Variants in BBS7 observed in about 807,000 individuals in gnomAD.
BBS7 encodes the protein BBSome complex member BBS7.
BBS7 carries 50 observed loss-of-function variants against 90.3 expected under a neutral mutation model. That is an observed-to-expected ratio of 0.55 (90% CI 0.44 to 0.70). The LOEUF is 0.70. Among genes scored for constraint, BBS7 ranks in the 30% least tolerant of loss-of-function variants. The pLI, the probability that BBS7 is intolerant of heterozygous loss-of-function variation, is 0.00. For missense variants in BBS7, 729 were observed against 838.9 expected (o/e 0.87, Z 1.62); for synonymous variants, 235 against 287.4 (o/e 0.82, Z 1.85).
chr4:121,868,850 G>A (rs1727432621), intron 1 of BBS7, among the ~76,000 whole-genome samples: 1 of 152,138 alleles, frequency 6.6e-6, no homozygotes, highest in Non-Finnish European at 1.5e-5. Flanking sequence ...GTTAGGAGAA[G>A]AGGATGGGAC....
In BBS7 at chr4:121,824,666, C is replaced by T. The variant is rs528812955; in HGVS notation, c.*1194G>A. On this transcript the variant is annotated 3_prime_UTR_variant, in exon 19 of 19. Transcript: ENST00000264499. This position sits in a 1 kb window ranked among gnomAD's most constrained non-coding sequence, Gnocchi z 4.1. ...AAAAACACAATGACGTTCTAGTGAC[C>T]TAGATATAATTATGTTCCTTTCAGA... 6.6e-6 allele frequency: 1 copy of T among 151,876 alleles called. No homozygotes were observed. Among genetic ancestry groups the T allele is most frequent in the Admixed American group, 6.6e-5 (1 of 15,244 alleles). The allele number at this position is 151,876 out of a possible 1,614,324, so 9.4% of individuals were successfully genotyped here.
chr4:121,847,402 A>G lies in BBS7; in HGVS notation c.1037+2T>C. The stretch of plus-strand genomic sequence containing the variant: ...AAAAGCAAATAAAAAACTCAAAGTT[A>G]CCGTAAGGAAGAAATTTTATTCTGC... On this transcript the variant is annotated splice_donor_variant, in intron 10 of 18. Coordinates refer to ENST00000264499, the MANE Select transcript of BBS7 (RefSeq NM_176824.3). LOFTEE classifies it high-confidence loss of function. The G allele has an allele frequency of 6.2e-7, 1 of 1,600,114 alleles. No individual in the cohort carries two copies. Among genetic ancestry groups the G allele is most frequent in the Non-Finnish European group, 8.6e-7 (1 of 1,167,732 alleles).
At position 121,867,987 on chromosome 4, in the gene BBS7, T is replaced by G; in HGVS notation, c.96A>C (p.Thr32=). The G allele has an allele frequency of 6.2e-7, 1 of 1,612,748 alleles. No homozygotes were observed. The highest frequency in any genetic ancestry group is 8.5e-7 in the Non-Finnish European group (1 of 1,178,870). Residue 32 remains threonine (T), a synonymous_variant, in exon 2 of 19, where the codon ACA becomes ACC. Coordinates refer to ENST00000264499, the MANE Select transcript of BBS7 (RefSeq NM_176824.3). The stretch of plus-strand genomic sequence containing the variant: ...ATCAGAATCTATACAGTACCTTTTG[T>G]GTAGCTCTGTGTCTTGAGGCAGGAA... The part of the protein sequence containing the change: ...KLIPASRHRA[T]QKVVIGDHDG...
At chr4:121,840,144 T>G (rs1181880577) in intron 12 of BBS7, among the ~76,000 whole-genome samples, 1 of 152,204 alleles carries the variant, frequency 6.6e-6, no homozygotes, top group Non-Finnish European at 1.5e-5. Flanking sequence ...TGGGAGATAA[T>G]TGAATCATGG....
intron 18 of BBS7, chr4:121,827,781 A>G: frequency 2.1e-6 from 2 of 939,852 alleles, no homozygotes; most frequent in Non-Finnish European, 2.6e-6. Flanking sequence ...CTGCATTTTT[A>G]TAATTCACAA....
intron 13 of BBS7, 128 bp downstream of exon 13, chr4:121,839,503 C>A: frequency 1.2e-6 from 1 of 801,696 alleles, no homozygotes; most frequent in Non-Finnish European, 2.1e-6. Flanking sequence ...ATTCAAAATT[C>A]ATTACTCCAA....
At chr4:121,847,074 A>C (rs1476348545) in intron 10 of BBS7, among the ~76,000 whole-genome samples, 2 of 152,176 alleles carry the variant, frequency 1.3e-5, no homozygotes, top group Non-Finnish European at 2.9e-5. Context: ...TAATACAGCC[A>C]TCTGTGTTGA....
At chr4:121,837,781 A>G (rs747429969) in intron 13 of BBS7, among the ~76,000 whole-genome samples, 1 of 152,030 alleles carries the variant, frequency 6.6e-6, no homozygotes, top group African/African-American at 2.4e-5. Context: ...TCTTTCTTCT[A>G]TACATTAAAA....
At chr4:121,855,914 ATATG>A (rs369307035) in intron 5 of BBS7, among the ~76,000 whole-genome samples, 28 of 129,800 alleles carry the variant, frequency 2.2e-4, no homozygotes, top group South Asian at 4.3e-4. Flanking sequence ...ATATATGTAT[ATATG>A]TGTACATGTA....
chr4:121,855,574 T>C lies in BBS7; in HGVS notation c.529-13A>G, dbSNP rs766503017. Reference sequence around the variant, plus strand: ...TCACATCAGATCCCTGAAGGAGAAGTATTTAAAAACTGAAACAGAATACAA... The same window carrying C: ...TCACATCAGATCCCTGAAGGAGAAGCATTTAAAAACTGAAACAGAATACAA... On this transcript the variant is annotated splice_polypyrimidine_tract_variant and intron_variant, in intron 5 of 18. Transcript: ENST00000264499. 1.2e-5 allele frequency: 19 copies of C among 1,611,190 alleles called. No individual in the cohort carries two copies. The South Asian group carries it at 1.9e-4, about 16-fold the overall frequency.
intron 13 of BBS7, 97 bp from the exon 14 acceptor site, chr4:121,835,380 CTAAT>C (rs1274450831): frequency 1.4e-6 from 2 of 1,425,828 alleles, no homozygotes; most frequent in African/African-American, 2.9e-5. Flanking sequence ...TTAAAATTCA[CTAAT>C]ATGTGAAGAC....
intron 4 of BBS7, among the ~76,000 whole-genome samples, chr4:121,859,768 GA>G (rs566923280): frequency 0.017 from 2,496 of 146,680 alleles, 56 homozygotes; most frequent in African/African-American, 0.058. Flanking sequence ...ATAAACAGCA[GA>G]AAAAAAAAGA....
intron 9 of BBS7, 46 bp downstream of exon 9, chr4:121,848,798 T>G (rs1256754820): frequency 2.7e-6 from 4 of 1,489,066 alleles, no homozygotes; most frequent in South Asian, 1.1e-5. Context: ...TTTAATTTTT[T>G]TTGTTGTTGA....
rs766069591 is a variant in BBS7, at chr4:121,828,439, A to G, written c.1853T>C (p.Leu618Pro). Residue 618 changes from leucine to proline, a missense_variant, in exon 17 of 19, where the codon CTT (leucine) becomes CCT (proline). Coordinates refer to ENST00000264499, the MANE Select transcript of BBS7 (RefSeq NM_176824.3). ...LIHPKLEYQL[L>P]LAKKVQLIDA... Reference sequence around the variant, plus strand: ...AATTAACTGCACTTTCTTAGCCAAAAGCAACTGGTACTCCAGCTTTGGGTG... The same window carrying G: ...AATTAACTGCACTTTCTTAGCCAAAGGCAACTGGTACTCCAGCTTTGGGTG... 1 of 1,613,990 alleles carries G rather than the reference A, an allele frequency of 6.2e-7. No homozygotes were observed. The highest frequency in any genetic ancestry group is 1.1e-5 in the South Asian group (1 of 91,072).
intron 14 of BBS7, 47 bp downstream of exon 14, chr4:121,835,097 G>T (rs201907336): frequency 6.3e-7 from 1 of 1,596,978 alleles, no homozygotes; most frequent in Non-Finnish European, 8.6e-7. Flanking sequence ...AGGTCTATTT[G>T]AATTGTGTAA....
chr4:121,837,914 G>A (rs1036484964), intron 13 of BBS7, among the ~76,000 whole-genome samples: 1 of 152,092 alleles, frequency 6.6e-6, no homozygotes, highest in Non-Finnish European at 1.5e-5. Flanking sequence ...AGACCAACCT[G>A]TCCAACATGG....
chr4:121,846,515 T>G lies in BBS7; in HGVS notation c.1038-819A>C, dbSNP rs567186194. 3.8e-4 allele frequency among the ~76,000 whole-genome samples: 58 copies of G among 152,258 alleles called. No individual in the cohort carries two copies. The Middle Eastern group carries it at 0.01, about 27-fold the overall frequency. On this transcript the variant is annotated intron_variant, in intron 10 of 18. Coordinates refer to ENST00000264499, the MANE Select transcript of BBS7 (RefSeq NM_176824.3). ...TCAAATGAACAAATCAGATATAAGT[T>G]TCTCATAAAGCTTACATTCCAGTGG...
chr4:121,836,262 A>T (rs185397712), intron 13 of BBS7, among the ~76,000 whole-genome samples: 163 of 152,264 alleles, frequency 1.1e-3, no homozygotes, highest in African/African-American at 2.7e-3. Flanking sequence ...GTTCTACTGG[A>T]TATCAGACAT....
chr4:121,852,183 C>T (rs937950825), intron 8 of BBS7, among the ~76,000 whole-genome samples: 7 of 152,150 alleles, frequency 4.6e-5, no homozygotes, highest in African/African-American at 9.7e-5. Context: ...TTTACCTGTG[C>T]TTCAAACCAC....
Sources: allele counts gnomAD v4.1 joint callset (sites outside exome capture counted in the v4.1 genomes callset), GRCh38; gene constraint gnomAD v4.1.1; non-coding constraint Gnocchi (gnomAD v3.1); transcripts MANE v1.5; gene names NCBI Gene and HGNC (gene_info 2026-07-23, HGNC 2026-07-21).